Variants in KIF21A observed in about 807,000 individuals in gnomAD.
KIF21A encodes kinesin family member 21A, also known as kinesin-like protein KIF21A.
A neutral mutation model predicts 202.9 loss-of-function variants in KIF21A; 114 were observed. That is an observed-to-expected ratio of 0.56 (90% CI 0.48 to 0.66). The LOEUF is 0.66. KIF21A is among the 30% of genes least tolerant of loss of function. The probability of loss-of-function intolerance (pLI) is 0.00; values close to 1 mark genes in which losing one functional copy is unlikely to be tolerated. For synonymous variants in KIF21A, 667 were observed against 670.8 expected (o/e 0.99, Z 0.09); for missense variants, 1,677 against 1,994.9 (o/e 0.84, Z 3.04).
At chr12:39,302,899 T>G in intron 36 of KIF21A, 66 bp downstream of exon 36, 1 of 1,329,724 alleles carries the variant, frequency 7.5e-7, no homozygotes, top group South Asian at 1.2e-5. Flanking sequence ...GCTCTTCAAG[T>G]TCTTCTACAG....
At chr12:39,426,487 A>C (rs1250243819) in intron 1 of KIF21A, among the ~76,000 whole-genome samples, 2 of 152,218 alleles carry the variant, frequency 1.3e-5, no homozygotes, top group Admixed American at 6.5e-5. Flanking sequence ...GAGAAGAGAA[A>C]GCAAATAAAC....
intron 24 of KIF21A, among the ~76,000 whole-genome samples, chr12:39,328,628 G>C (rs142020080): frequency 6.6e-6 from 1 of 152,156 alleles, no homozygotes; most frequent in South Asian, 2.1e-4. Flanking sequence ...AGCATGGGGC[G>C]CTGGCCCTGG....
chr12:39,422,230 C>A (rs947037642), intron 1 of KIF21A, among the ~76,000 whole-genome samples: 14 of 151,836 alleles, frequency 9.2e-5, no homozygotes, highest in African/African-American at 3.4e-4. Flanking sequence ...CAAAGTGCTA[C>A]GATTACATGC....
intron 1 of KIF21A, among the ~76,000 whole-genome samples, chr12:39,419,426 T>C (rs1425651120): frequency 6.6e-6 from 1 of 152,226 alleles, no homozygotes; most frequent in Non-Finnish European, 1.5e-5. Context: ...TCCTTTTTGC[T>C]ACTCCCTTGA....
At chr12:39,407,641 G>A (rs181940499) in intron 1 of KIF21A, among the ~76,000 whole-genome samples, 2 of 152,188 alleles carry the variant, frequency 1.3e-5, no homozygotes, top group African/African-American at 4.8e-5. Context: ...GGCTTCTAGA[G>A]GTTAGGTAAC....
chr12:39,366,599 G>T, intron 5 of KIF21A, 82 bp from the exon 6 acceptor site: 2 of 1,009,128 alleles, frequency 2.0e-6, no homozygotes, highest in Non-Finnish European at 3.0e-6. Flanking sequence ...CTTATCCCAT[G>T]TACACATATA....
At chr12:39,404,155 T>C (rs1056128177) in intron 1 of KIF21A, among the ~76,000 whole-genome samples, 1 of 152,168 alleles carries the variant, frequency 6.6e-6, no homozygotes, top group Non-Finnish European at 1.5e-5. Flanking sequence ...GACACAATCA[T>C]GCTACTCTAC....
intron 1 of KIF21A, among the ~76,000 whole-genome samples, chr12:39,431,424 A>G (rs1025333701): frequency 3.3e-5 from 5 of 152,228 alleles, no homozygotes; most frequent in Non-Finnish European, 5.9e-5. Context: ...TTGGACAAGT[A>G]AAATAGGAGG....
At chr12:39,430,297 G>A (rs1937683365) in intron 1 of KIF21A, among the ~76,000 whole-genome samples, 1 of 152,034 alleles carries the variant, frequency 6.6e-6, no homozygotes, top group African/African-American at 2.4e-5. Flanking sequence ...CAGGTGTGGT[G>A]GCTCACACCT....
chr12:39,357,296 T>C lies in KIF21A; in HGVS notation c.1357A>G (p.Ile453Val). 6.2e-7 allele frequency: 1 copy of C among 1,614,190 alleles called. No homozygotes were observed. The highest frequency in any genetic ancestry group is 1.6e-4 in the Middle Eastern group (1 of 6,062). ...QETVDALRSR[I>V]TQLVSDQANH... ...GCCTGATCACTAACAAGCTGTGTAATTCTGGACCTCAATGCATCAACCGTC... is the reference window on the plus strand; with the variant it reads ...GCCTGATCACTAACAAGCTGTGTAACTCTGGACCTCAATGCATCAACCGTC... Residue 453 changes from isoleucine to valine, a missense_variant, in exon 9 of 38, where the codon ATT becomes GTT. By Grantham distance (29) the Ile-to-Val change is conservative. Around this residue, in one of 3 missense-constraint regions of KIF21A, gnomAD observed 966 missense variants for 1,180.9 expected, o/e 0.82. Transcript: ENST00000361418.
At chr12:39,358,089 A>G in intron 8 of KIF21A, 89 bp downstream of exon 8, 2 of 1,123,038 alleles carry the variant, frequency 1.8e-6, no homozygotes, top group Non-Finnish European at 2.7e-6. Context: ...AAGAGATTCC[A>G]GAAACACGTA....
chr12:39,433,258 T>C (rs1938208881), intron 1 of KIF21A, among the ~76,000 whole-genome samples: 1 of 152,204 alleles, frequency 6.6e-6, no homozygotes, highest in Admixed American at 6.5e-5. Flanking sequence ...TTTCTGGTTC[T>C]AAATATCAGT....
At position 39,325,588 on chromosome 12, in the gene KIF21A, C is replaced by T. The variant is rs1035393150; in HGVS notation, c.3456+251G>A. Among the ~76,000 whole-genome samples the T allele has an allele frequency of 8.0e-5, 12 of 150,538 alleles. No homozygotes were observed. The South Asian group carries it at 8.4e-4, about 11-fold the overall frequency. On this transcript the variant is annotated intron_variant, in intron 26 of 37. Transcript: ENST00000361418. ...TCCATCTCCTGACCTCCTGATCATC[C>T]GCCTTGGCCTCCCAAGTGCTGGAAT...
rs1948850057 is a variant in KIF21A, at chr12:39,357,313, T to C, written c.1340A>G (p.Asp447Gly). Residue 447 changes from aspartate (D) to glycine (G), a missense_variant, in exon 9 of 38, where the codon GAT becomes GGT. Asp to Gly is a moderately conservative substitution (Grantham distance 94). Coordinates refer to ENST00000361418, the MANE Select transcript of KIF21A (RefSeq NM_001173464.2). The part of the protein sequence containing the change: ...VRIKAMQETV[D>G]ALRSRITQLV... ...CTGTGTAATTCTGGACCTCAATGCATCAACCGTCTCTTGCATGGCTTTAAT... is the reference window on the plus strand; with the variant it reads ...CTGTGTAATTCTGGACCTCAATGCACCAACCGTCTCTTGCATGGCTTTAAT... The C allele has an allele frequency of 1.2e-6, 2 of 1,614,028 alleles. No homozygotes were observed. Among genetic ancestry groups the C allele is most frequent in the African/African-American group, 1.3e-5 (1 of 74,922 alleles).
Position 39,342,032 on chromosome 12 carries a change from A to G in KIF21A, c.1803+2T>C, listed in dbSNP as rs765661904. ...CTGACAAGTTCATTCTTTCATACTT[A>G]CCACTTCTAATTCATTGTTTTCTCT... On this transcript the variant is annotated splice_donor_variant, in intron 13 of 37. Transcript: ENST00000361418. LOFTEE classifies it high-confidence loss of function. 17 of 1,594,902 alleles carry G rather than the reference A, an allele frequency of 1.1e-5. No individual in the cohort carries two copies. Among genetic ancestry groups the G allele is most frequent in the Non-Finnish European group, 1.0e-5 (12 of 1,163,228 alleles).
intron 1 of KIF21A, among the ~76,000 whole-genome samples, chr12:39,431,860 G>C (rs975542710): frequency 2.0e-5 from 3 of 152,056 alleles, no homozygotes; most frequent in Admixed American, 2.0e-4. Context: ...TCAATCTAAG[G>C]GCAAGTTAGC....
In KIF21A at chr12:39,302,951, A is replaced by C; in HGVS notation, c.4731+14T>G. ...GAAATGCCCACTCTATACCATGAAA[A>C]GGTTCTGCATTACCTGAAGAAGGTC... is the stretch of plus-strand genomic sequence containing the variant. On this transcript the variant is annotated intron_variant, in intron 36 of 37. Transcript: ENST00000361418. 6.2e-7 allele frequency: 1 copy of C among 1,610,886 alleles called. No individual in the cohort carries two copies. Among genetic ancestry groups the C allele is most frequent in the African/African-American group, 1.3e-5 (1 of 74,984 alleles).
intron 1 of KIF21A, among the ~76,000 whole-genome samples, chr12:39,403,661 T>C (rs1218453713): frequency 6.6e-6 from 1 of 152,180 alleles, no homozygotes; most frequent in African/African-American, 2.4e-5. Flanking sequence ...TTTATGAAGA[T>C]AAAATGGCAA....
intron 1 of KIF21A, among the ~76,000 whole-genome samples, chr12:39,380,890 C>T (rs1380501126): frequency 2.0e-5 from 3 of 152,116 alleles, no homozygotes; most frequent in Admixed American, 6.5e-5. Context: ...TATTACATTC[C>T]TATACCAATT....
Sources: gnomAD v4.1 joint callset for allele counts (sites outside exome capture counted in the v4.1 genomes callset) on GRCh38, gnomAD v4.1.1 for gene constraint, gnomAD v4.1.1 regional missense constraint, MANE v1.5 for transcripts, NCBI Gene and HGNC (gene_info 2026-07-23, HGNC 2026-07-21) for gene names.